ADAR: variants seen among roughly 807,000 people sequenced by gnomAD.
ADAR encodes double-stranded RNA-specific adenosine deaminase.
A neutral mutation model predicts 113.2 loss-of-function variants in ADAR; 41 were observed. The ratio of observed to expected loss-of-function variants is 0.36; its 90% CI spans 0.28 to 0.47. The LOEUF (loss-of-function observed/expected upper bound fraction) is 0.47, where lower values mean the gene tolerates loss of function less well. Among genes scored for constraint, ADAR ranks in the 20% least tolerant of loss-of-function variants. The pLI is 1.00. For missense variants in ADAR, 1,242 were observed against 1,540.9 expected, an observed-to-expected ratio of 0.81 and a Z score of 3.25; for synonymous variants, 605 against 572.6, an observed-to-expected ratio of 1.06 and a Z score of -0.81.
At chr1:154,617,115 AC>A (rs1381973233) in intron 1 of ADAR, among the ~76,000 whole-genome samples, 15 of 152,160 alleles carry the variant, frequency 9.9e-5, no homozygotes, top group African/African-American at 3.6e-4. Flanking sequence ...CTTATCAAAA[AC>A]CCCTGCAAGC....
rs1461251652 is a variant in ADAR at position 154,583,559 on chromosome 1, C to T, written c.*1247G>A. 6.6e-6 allele frequency: 1 copy of T among 152,230 alleles called. No individual in the cohort carries two copies. Among genetic ancestry groups the T allele is most frequent in the African/African-American group, 2.4e-5 (1 of 41,448 alleles). The allele number at this position is 152,230 out of a possible 1,614,324, so 9.4% of individuals were successfully genotyped here. A position where few individuals can be genotyped will look rare whatever the true frequency, so the allele number is the denominator to read the frequency against. On this transcript the variant is annotated 3_prime_UTR_variant, in exon 15 of 15. Coordinates refer to ENST00000368474, the MANE Select transcript of ADAR (RefSeq NM_001111.5). Reference sequence around the variant, plus strand: ...CCACAACTACTGCTTTCTATGTCAACCCTATAAAGATCAGGTCTGCGCCCT... The same window carrying T: ...CCACAACTACTGCTTTCTATGTCAATCCTATAAAGATCAGGTCTGCGCCCT...
At chr1:154,590,713 T>C (rs1400466025) in intron 6 of ADAR, among the ~76,000 whole-genome samples, 1 of 152,010 alleles carries the variant, frequency 6.6e-6, no homozygotes, top group African/African-American at 2.4e-5. Context: ...GGAGATCACT[T>C]GAGGCCAGGA....
At chr1:154,614,155 G>A (rs1221774875) in intron 1 of ADAR, among the ~76,000 whole-genome samples, 1 of 152,134 alleles carries the variant, frequency 6.6e-6, no homozygotes, top group East Asian at 1.9e-4. Flanking sequence ...GCAATCTTTT[G>A]CAAGTATGTA....
At chr1:154,604,283 A>G (rs1338741717) in intron 1 of ADAR, among the ~76,000 whole-genome samples, 1 of 152,188 alleles carries the variant, frequency 6.6e-6, no homozygotes, top group East Asian at 1.9e-4. Context: ...GTGTTTCTAC[A>G]ACTTCACTCC....
chr1:154,618,891 C>T (rs1250709517), intron 1 of ADAR, among the ~76,000 whole-genome samples: 1 of 152,192 alleles, frequency 6.6e-6, no homozygotes, highest in African/African-American at 2.4e-5. Context: ...AGGTGGATCA[C>T]CTGAGGTCAC....
At chr1:154,599,846 A>T (rs1697744901) in intron 2 of ADAR, among the ~76,000 whole-genome samples, 1 of 152,242 alleles carries the variant, frequency 6.6e-6, no homozygotes, top group Non-Finnish European at 1.5e-5. Context: ...AGCAAGTGCT[A>T]GCCTACCCAT....
rs1277280394 is a variant in ADAR at position 154,588,708 on chromosome 1, C to A, written c.2763-35G>T. 6.2e-6 allele frequency: 10 copies of A among 1,613,674 alleles called. No individual in the cohort carries two copies. The African/African-American group carries it at 1.1e-4, about 17-fold the overall frequency. On this transcript the variant is annotated intron_variant, in intron 9 of 14. Coordinates refer to ENST00000368474, the MANE Select transcript of ADAR (RefSeq NM_001111.5). ...GAAAGTCTGGTTAGGAAGGCAGGTT[C>A]AATTCTGGGAAAAGCAGTTGTTTCT...
intron 1 of ADAR, among the ~76,000 whole-genome samples, chr1:154,615,463 G>A (rs1417097206): frequency 6.6e-6 from 1 of 152,220 alleles, no homozygotes; most frequent in Non-Finnish European, 1.5e-5. Context: ...AGGCCAGAGT[G>A]CAGTGGTACA....
At chr1:154,608,195 T>C (rs981499310), upstream of ADAR, 1 of 660,266 alleles carries the variant, frequency 1.5e-6, no homozygotes, top group Non-Finnish European at 2.4e-6. Context: ...TCAATTTCGC[T>C]TTCGTTTCCT....
chr1:154,585,892 T>G, intron 12 of ADAR, 27 bp from the exon 13 acceptor site: 2 of 1,570,610 alleles, frequency 1.3e-6, no homozygotes, highest in Non-Finnish European at 1.8e-6. Flanking sequence ...GAAACATATA[T>G]ACCTGTGTTT....
Position 154,597,004 on chromosome 1 carries a change from G to T in ADAR, c.2080-9C>A, listed in dbSNP as rs1697544586. 2 of 1,614,048 alleles carry T rather than the reference G, an allele frequency of 1.2e-6. No homozygotes were observed. Among genetic ancestry groups the T allele is most frequent in the Non-Finnish European group, 1.7e-6 (2 of 1,180,026 alleles). Reference sequence around the variant, plus strand: ...GAGATCATACCTTCAGGCTAAAGGAGAATCCATCAAACAGAGGAGCCATAA... The same window carrying T: ...GAGATCATACCTTCAGGCTAAAGGATAATCCATCAAACAGAGGAGCCATAA... On this transcript the variant is annotated splice_polypyrimidine_tract_variant and intron_variant, in intron 5 of 14. Transcript: ENST00000368474.
intron 1 of ADAR, among the ~76,000 whole-genome samples, chr1:154,627,488 C>T (rs1233299855): frequency 6.6e-6 from 1 of 152,178 alleles, no homozygotes. Flanking sequence ...GGCGGGGGAG[C>T]CGGCGAGAGG....
chr1:154,598,455 T>C lies in ADAR; in HGVS notation c.1732A>G (p.Ser578Gly), dbSNP rs374014885. 54 of 1,614,132 alleles carry C rather than the reference T, an allele frequency of 3.3e-5. No individual in the cohort carries two copies. The South Asian group carries it at 4.3e-4, about 13-fold the overall frequency. ...TGGGATGATTCTTCTGATTTTCCAC[T>C]GTCCTTGGCTTTGGCTTCCTCTAGC... ...ILLEEAKAKD[S>G]GKSEESSHYS... The change falls in exon 3 of 15, where the codon AGT (serine) becomes GGT (glycine). Residue 578 changes from serine (S) to glycine (G), a missense_variant. Transcript: ENST00000368474.
chr1:154,604,833 A>C (rs1465696424), intron 1 of ADAR, among the ~76,000 whole-genome samples: 1 of 152,212 alleles, frequency 6.6e-6, no homozygotes, highest in Non-Finnish European at 1.5e-5. Flanking sequence ...AGCCCTCTGA[A>C]GCAAGAGCAC....
chr1:154,590,724 G>A (rs1697087416), intron 6 of ADAR, among the ~76,000 whole-genome samples: 1 of 151,496 alleles, frequency 6.6e-6, no homozygotes, highest in South Asian at 2.1e-4. Flanking sequence ...GAGGCCAGGA[G>A]TTCAAGACCA....
chr1:154,607,722 T>TACACACACACGC (rs71077960), intron 1 of ADAR, among the ~76,000 whole-genome samples: 1 of 146,172 alleles, frequency 6.8e-6, no homozygotes, highest in East Asian at 2.1e-4. Flanking sequence ...TTGGCAAGAC[T>TACACACACACGC]ACACACACAC....
upstream of ADAR, among the ~76,000 whole-genome samples, chr1:154,609,532 G>A (rs192856903): frequency 1.3e-5 from 2 of 152,064 alleles, no homozygotes; most frequent in Non-Finnish European, 2.9e-5. Flanking sequence ...CATTCTATTC[G>A]TTGGCCTAGC....
At chr1:154,606,340 T>C (rs1698188430) in intron 1 of ADAR, among the ~76,000 whole-genome samples, 1 of 152,216 alleles carries the variant, frequency 6.6e-6, no homozygotes, top group African/African-American at 2.4e-5. Flanking sequence ...CCAGTTATTT[T>C]ATTTTTTTAA....
chr1:154,608,492 CTTTT>C (rs67463447), upstream of ADAR, among the ~76,000 whole-genome samples: 39 of 65,768 alleles, frequency 5.9e-4, no homozygotes, highest in African/African-American at 2.0e-3. Flanking sequence ...TCACTCCTGG[CTTTT>C]TTTTTTTTTT....
Sources: gnomAD v4.1 joint callset for allele counts (sites outside exome capture counted in the v4.1 genomes callset) on GRCh38, gnomAD v4.1.1 for gene constraint, MANE v1.5 for transcripts, NCBI Gene and HGNC (gene_info 2026-07-23, HGNC 2026-07-21) for gene names.